Variants in KLHL2 observed in about 807,000 individuals in gnomAD.
KLHL2 encodes kelch like family member 2.
KLHL2 carries 15 observed loss-of-function variants against 75.8 expected under a neutral mutation model. The ratio of observed to expected loss-of-function variants is 0.20; its 90% CI spans 0.13 to 0.30. The LOEUF is 0.30. Ranked by LOEUF, KLHL2 falls within the 10% of genes least tolerant of loss-of-function variation. The pLI is 1.00. For synonymous variants in KLHL2, 214 were observed against 251.9 expected (o/e 0.85, Z 1.42); for missense variants, 381 against 741.0 (o/e 0.51, Z 5.64).
chr4:165,213,878 C>T lies in KLHL2; in HGVS notation c.26+5976C>T, dbSNP rs72993962. On this transcript the variant is annotated intron_variant, in intron 1 of 14. Transcript: ENST00000226725. ...TATTCAGTTTAGATCCTGAATTCAA[C>T]AATTTTCTTCTAAACTTTGTTTACA... Among the ~76,000 whole-genome samples, 573 of 152,334 alleles carry T rather than the reference C, an allele frequency of 3.8e-3. 5 individuals carry two copies. Among genetic ancestry groups the T allele is most frequent in the African/African-American group, 0.013 (554 of 41,578 alleles).
At chr4:165,242,415 A>G (rs1237998950) in intron 4 of KLHL2, among the ~76,000 whole-genome samples, 1 of 152,260 alleles carries the variant, frequency 6.6e-6, no homozygotes, top group African/African-American at 2.4e-5. Context: ...TACATTTTCA[A>G]TACACTTTCA....
chr4:165,301,608 T>C (rs1745354542), intron 8 of KLHL2, among the ~76,000 whole-genome samples: 1 of 152,248 alleles, frequency 6.6e-6, no homozygotes, highest in Admixed American at 6.5e-5. Flanking sequence ...GTCCATCTTA[T>C]TTGGTGTCAG....
chr4:165,220,821 A>G (rs999190386), intron 2 of KLHL2, among the ~76,000 whole-genome samples: 4 of 152,270 alleles, frequency 2.6e-5, no homozygotes, highest in Admixed American at 1.3e-4. Flanking sequence ...TCTCAAGTGT[A>G]CTAAGGATCA....
intron 5 of KLHL2, among the ~76,000 whole-genome samples, chr4:165,263,802 A>AT (rs1313576886): frequency 4.5e-4 from 42 of 93,520 alleles, no homozygotes; most frequent in South Asian, 1.7e-3. Context: ...GATTTTTTAC[A>AT]TTGTTTTTTT....
chr4:165,313,386 A>G lies in KLHL2; in HGVS notation c.1468+20A>G. 1 of 1,444,586 alleles carries G rather than the reference A, an allele frequency of 6.9e-7. No homozygotes were observed. Among genetic ancestry groups the G allele is most frequent in the Non-Finnish European group, 9.1e-7 (1 of 1,095,674 alleles). 89.5% of individuals were successfully genotyped at this position (1,444,586 alleles called of 1,614,324 possible). A position where few individuals can be genotyped will look rare whatever the true frequency, so the allele number is the denominator to read the frequency against. ...GAGCAGGTACATGTGAACCTGTTTT[A>G]GCAACTGAAGCACAAAAATGATGGA... On this transcript the variant is annotated intron_variant, in intron 12 of 14. Coordinates refer to ENST00000226725, the MANE Select transcript of KLHL2 (RefSeq NM_007246.4).
chr4:165,307,362 A>C (rs1745816610), intron 9 of KLHL2, among the ~76,000 whole-genome samples: 1 of 152,242 alleles, frequency 6.6e-6, no homozygotes, highest in South Asian at 2.1e-4. Context: ...AAATAATTTT[A>C]CTTACAGAAG....
intron 5 of KLHL2, among the ~76,000 whole-genome samples, chr4:165,274,709 A>T (rs1742943777): frequency 6.6e-6 from 1 of 152,216 alleles, no homozygotes; most frequent in Admixed American, 6.5e-5. Flanking sequence ...TGCCCATTGG[A>T]AACAAGCTTT....
At chr4:165,274,958 A>G (rs1472210742) in intron 5 of KLHL2, among the ~76,000 whole-genome samples, 3 of 152,172 alleles carry the variant, frequency 2.0e-5, no homozygotes, top group Non-Finnish European at 4.4e-5. Flanking sequence ...ACTGGCAGTG[A>G]CAGCCTGTCG....
intron 6 of KLHL2, among the ~76,000 whole-genome samples, chr4:165,294,738 T>C (rs796787687): frequency 1.1e-4 from 16 of 152,338 alleles, no homozygotes; most frequent in African/African-American, 3.8e-4. Flanking sequence ...GTTTTGTACT[T>C]GACCTCCACA....
intron 4 of KLHL2, among the ~76,000 whole-genome samples, chr4:165,254,230 G>A (rs935426003): frequency 9.2e-5 from 14 of 152,224 alleles, no homozygotes; most frequent in African/African-American, 3.4e-4. Context: ...TTTTATAATA[G>A]GATTGTTTGT....
intron 5 of KLHL2, among the ~76,000 whole-genome samples, chr4:165,289,445 A>G (rs1744333759): frequency 6.6e-6 from 1 of 151,786 alleles, no homozygotes; most frequent in South Asian, 2.1e-4. Flanking sequence ...TATGTACACA[A>G]TGAAAGTTAC....
rs1262184856 is a variant in KLHL2, at chr4:165,322,939, A to T, written c.*879A>T. On this transcript the variant is annotated 3_prime_UTR_variant, in exon 15 of 15. Transcript: ENST00000226725. ...TGCAGGTTTTTGATGAATATAATGA[A>T]TGTATGGAATTCAATTGAATTTGCA... 1 of 152,538 alleles carries T rather than the reference A, an allele frequency of 6.6e-6. No homozygotes were observed. The highest frequency in any genetic ancestry group is 1.5e-5 in the Non-Finnish European group (1 of 67,998). The allele number at this position is 152,538 out of a possible 1,614,324, so 9.4% of individuals were successfully genotyped here.
At chr4:165,273,108 T>G (rs940272900) in intron 5 of KLHL2, among the ~76,000 whole-genome samples, 3 of 152,218 alleles carry the variant, frequency 2.0e-5, no homozygotes, top group African/African-American at 7.2e-5. Context: ...ATGATCCAAC[T>G]TCAACAGTTG....
At chr4:165,310,342 AAAT>A (rs1158219030) in intron 9 of KLHL2, among the ~76,000 whole-genome samples, 2 of 152,198 alleles carry the variant, frequency 1.3e-5, no homozygotes, top group East Asian at 1.9e-4. Context: ...AGAAAGGAAG[AAAT>A]AATAATAATA....
intron 7 of KLHL2, 29 bp downstream of exon 7, chr4:165,297,754 C>T (rs1579150315): frequency 7.8e-7 from 1 of 1,287,538 alleles, no homozygotes; most frequent in Middle Eastern, 1.8e-4. Context: ...CATATGAATC[C>T]ACACAGCACT....
chr4:165,260,308 A>C (rs1342638549), intron 4 of KLHL2, among the ~76,000 whole-genome samples: 2 of 152,234 alleles, frequency 1.3e-5, no homozygotes, highest in Non-Finnish European at 2.9e-5. Context: ...TTTTATGTTT[A>C]GCATATATTT....
At chr4:165,310,992 C>T (rs13143788) in intron 10 of KLHL2, among the ~76,000 whole-genome samples, 10,679 of 151,740 alleles carry the variant, frequency 0.07, 768 homozygotes, top group Admixed American at 0.23. Flanking sequence ...GCAGCTGGGA[C>T]TATAGGTGCC....
chr4:165,313,462 A>C (rs908607981), intron 12 of KLHL2, 96 bp downstream of exon 12: 6 of 1,115,684 alleles, frequency 5.4e-6, no homozygotes, highest in Non-Finnish European at 7.3e-6. Flanking sequence ...TTATCTGAAA[A>C]TATATGATAT....
intron 13 of KLHL2, among the ~76,000 whole-genome samples, chr4:165,314,558 T>G (rs967919454): frequency 6.6e-6 from 1 of 152,160 alleles, no homozygotes; most frequent in African/African-American, 2.4e-5. Context: ...TCTCAGGAAA[T>G]TTAGTCTAGT....
Sources: gnomAD v4.1 joint callset for allele counts (sites outside exome capture counted in the v4.1 genomes callset) on GRCh38, gnomAD v4.1.1 for gene constraint, MANE v1.5 for transcripts, NCBI Gene and HGNC (gene_info 2026-07-23, HGNC 2026-07-21) for gene names.